Variants in ARHGEF3 observed in about 807,000 individuals in gnomAD.
ARHGEF3 encodes Rho guanine nucleotide exchange factor 3.
Under a neutral mutation model 63.2 loss-of-function variants are expected in ARHGEF3, and 28 were observed. That is an observed-to-expected ratio of 0.44 (90% confidence interval 0.33 to 0.61). The LOEUF (loss-of-function observed/expected upper bound fraction) is 0.61, where lower values mean the gene tolerates loss of function less well. Ranked by LOEUF, ARHGEF3 falls within the 20% of genes least tolerant of loss-of-function variation. The pLI is 0.03. For synonymous variants in ARHGEF3, 266 were observed against 254.2 expected, an observed-to-expected ratio of 1.05 and a Z score of -0.44; for missense variants, 533 against 659.3, an observed-to-expected ratio of 0.81 and a Z score of 2.10.
chr3:56,812,863 A>G (rs76823933), intron 4 of ARHGEF3, among the ~76,000 whole-genome samples: 4,413 of 152,368 alleles, frequency 0.029, 78 homozygotes, highest in Non-Finnish European at 0.041. Context: ...GAGCCTTACA[A>G]GAGATAATTT....
intron 1 of ARHGEF3, among the ~76,000 whole-genome samples, chr3:56,776,204 C>T (rs949083444): frequency 6.6e-6 from 1 of 152,130 alleles, no homozygotes; most frequent in East Asian, 1.9e-4. Context: ...TTTGCATGAC[C>T]CAGTCGGACA....
At chr3:57,014,348 A>G (rs531802179) in intron 2 of ARHGEF3, among the ~76,000 whole-genome samples, 1 of 152,198 alleles carries the variant, frequency 6.6e-6, no homozygotes, top group African/African-American at 2.4e-5. Context: ...AATAGTGCAC[A>G]GCCTTAACCA....
At chr3:56,831,689 G>A (rs1484068753) in intron 4 of ARHGEF3, among the ~76,000 whole-genome samples, 1 of 152,194 alleles carries the variant, frequency 6.6e-6, no homozygotes, top group Admixed American at 6.5e-5. Context: ...GTTATTATGA[G>A]GCCTGGTAAT....
At position 56,937,278 on chromosome 3, in the gene ARHGEF3, TTGA is replaced by T. The variant is rs551000517; in HGVS notation, c.129+21542_129+21544del. On this transcript the variant is annotated intron_variant, in intron 3 of 12. Coordinates refer to the ARHGEF3 transcript ENST00000338458. ...TTGGAGAATTATTGATAACTTAGGT[TTGA>T]TGATGATACTATGATAATGTAGGAA... Among the ~76,000 whole-genome samples, 162 of 152,176 alleles carry T rather than the reference TTGA, an allele frequency of 1.1e-3. 1 individual carries two copies. The highest frequency in any genetic ancestry group is 1.8e-3 in the Non-Finnish European group (122 of 68,034).
intron 3 of ARHGEF3, chr3:56,938,859 T>C (rs1246425973): frequency 1.3e-5 from 2 of 152,212 alleles, no homozygotes; most frequent in Non-Finnish European, 2.9e-5. Context: ...TGTAGATGCA[T>C]CGTCAGTCAT....
chr3:57,035,053 A>T (rs1560150330), intron 2 of ARHGEF3: 13 of 1,495,474 alleles, frequency 8.7e-6, no homozygotes, highest in Non-Finnish European at 1.2e-5. Flanking sequence ...GAATTTTAAA[A>T]TTTTTAATTA....
intron 1 of ARHGEF3, among the ~76,000 whole-genome samples, chr3:56,779,038 C>A (rs1196662335): frequency 2.0e-5 from 3 of 152,120 alleles, no homozygotes; most frequent in African/African-American, 7.2e-5. Flanking sequence ...CACTCCCAGG[C>A]ACTGCACTCT....
chr3:56,959,881 G>A (rs1700205490), intron 2 of ARHGEF3, among the ~76,000 whole-genome samples: 2 of 152,210 alleles, frequency 1.3e-5, no homozygotes, highest in Non-Finnish European at 2.9e-5. Flanking sequence ...GGGAGGCTGA[G>A]GCAGGAGAAT....
chr3:57,030,964 G>A (rs1018021434), intron 2 of ARHGEF3, among the ~76,000 whole-genome samples: 9 of 152,190 alleles, frequency 5.9e-5, no homozygotes, highest in Non-Finnish European at 7.3e-5. Flanking sequence ...ACGGAAGCAC[G>A]GCCTGTGGGC....
intron 4 of ARHGEF3, among the ~76,000 whole-genome samples, chr3:56,831,553 C>T (rs994690803): frequency 6.6e-6 from 1 of 152,206 alleles, no homozygotes; most frequent in Non-Finnish European, 1.5e-5. Flanking sequence ...AAATAAATAA[C>T]AGTGTGGTTG....
chr3:57,017,032 T>TCTCACACACACACA (rs1221332567), intron 2 of ARHGEF3, among the ~76,000 whole-genome samples: 58 of 104,386 alleles, frequency 5.6e-4, no homozygotes, highest in African/African-American at 2.0e-3. Context: ...TCTCTCTCTC[T>TCTCACACACACACA]CACACACACA....
intron 2 of ARHGEF3, among the ~76,000 whole-genome samples, chr3:57,019,694 C>T (rs968889884): frequency 6.6e-6 from 1 of 152,166 alleles, no homozygotes; most frequent in African/African-American, 2.4e-5. Context: ...AAGTATGTAA[C>T]ATCCCATCCA....
At chr3:56,889,170 T>C (rs1053426554) in intron 3 of ARHGEF3, among the ~76,000 whole-genome samples, 2 of 152,118 alleles carry the variant, frequency 1.3e-5, no homozygotes, top group South Asian at 2.1e-4. Context: ...CTTTTTAGGG[T>C]TGGCTACCTT....
intron 8 of ARHGEF3, among the ~76,000 whole-genome samples, chr3:56,735,155 G>GT (rs1397829373): frequency 6.6e-6 from 1 of 152,094 alleles, no homozygotes; most frequent in African/African-American, 2.4e-5. Flanking sequence ...GTGGTGTTGG[G>GT]TGCCTGTAAT....
chr3:56,773,523 C>G (rs2036118871), intron 2 of ARHGEF3, among the ~76,000 whole-genome samples, 186 bp downstream of exon 2: 1 of 152,222 alleles, frequency 6.6e-6, no homozygotes, highest in Non-Finnish European at 1.5e-5. Context: ...TCTGGCTCTG[C>G]ATGACCCTTG....
intron 2 of ARHGEF3, among the ~76,000 whole-genome samples, chr3:57,019,031 C>T (rs7640462): frequency 0.33 from 50,616 of 151,922 alleles, 8,759 homozygotes; most frequent in African/African-American, 0.42. Context: ...TGAGAATGAC[C>T]GAGTCCAATG....
chr3:56,803,854 T>C (rs2037767317), upstream of ARHGEF3, among the ~76,000 whole-genome samples: 1 of 151,586 alleles, frequency 6.6e-6, no homozygotes, highest in African/African-American at 2.4e-5. Flanking sequence ...GAAATTATAG[T>C]TTTTTAAAAT....
rs551502726 is a variant in ARHGEF3 at position 56,819,698 on chromosome 3, T to A, written c.193-45882A>T. The stretch of plus-strand genomic sequence containing the variant: ...CTAATTTTTATTTACTTATTTATTT[T>A]TTGTAGAAATGGGGGTCTTACTACG... On this transcript the variant is annotated intron_variant, in intron 4 of 12. Coordinates refer to the ARHGEF3 transcript ENST00000338458. Among the ~76,000 whole-genome samples, 17 of 151,898 alleles carry A rather than the reference T, an allele frequency of 1.1e-4. No individual in the cohort carries two copies. The South Asian group carries it at 1.2e-3, about 11-fold the overall frequency.
chr3:57,061,500 T>C (rs1705220737), intron 1 of ARHGEF3, among the ~76,000 whole-genome samples: 1 of 152,234 alleles, frequency 6.6e-6, no homozygotes, highest in Non-Finnish European at 1.5e-5. Context: ...TAATATTCCA[T>C]TGTATGTACA....
Sources: allele counts gnomAD v4.1 joint callset (sites outside exome capture counted in the v4.1 genomes callset), GRCh38; gene constraint gnomAD v4.1.1; transcripts MANE v1.5; gene names NCBI Gene and HGNC (gene_info 2026-07-23, HGNC 2026-07-21).